Variants in GPR39 observed in about 807,000 individuals in gnomAD.
The protein encoded by GPR39 is G protein-coupled receptor 39.
Under a neutral mutation model 18.4 loss-of-function variants are expected in GPR39, and 23 were observed. That is an observed-to-expected ratio of 1.25 (90% CI 0.90 to 1.77). GPR39 has a LOEUF of 1.77. Among genes scored for constraint, GPR39 ranks in the 40% most tolerant of loss-of-function variants. The pLI, the probability that GPR39 is intolerant of heterozygous loss-of-function variation, is 0.00. For missense variants in GPR39, 647 were observed against 602.4 expected (o/e 1.07, Z -0.78); for synonymous variants, 280 against 257.9 (o/e 1.09, Z -0.82).
chr2:132,483,866 AG>A (rs1681281775), intron 1 of GPR39, among the ~76,000 whole-genome samples: 1 of 152,198 alleles, frequency 6.6e-6, no homozygotes, highest in Non-Finnish European at 1.5e-5. Context: ...CTTTAGATAG[AG>A]GATACTGCAA....
Position 132,570,366 on chromosome 2 carries a change from C to A in GPR39, c.857-74735C>A, listed in dbSNP as rs7559469. On this transcript the variant is annotated intron_variant, in intron 1 of 1. Transcript: ENST00000329321. Reference sequence around the variant, plus strand: ...CTCCACGTTCACATCCCCCTCCAGCCGCACTTCCTCACTTGCCTGTTTTAA... The same window carrying A: ...CTCCACGTTCACATCCCCCTCCAGCAGCACTTCCTCACTTGCCTGTTTTAA... 9.5e-4 allele frequency among the ~76,000 whole-genome samples: 144 copies of A among 152,108 alleles called. 1 individual carries two copies. The highest frequency in any genetic ancestry group is 3.3e-3 in the African/African-American group (139 of 41,534).
chr2:132,562,449 G>C (rs578135753), intron 1 of GPR39, among the ~76,000 whole-genome samples: 2 of 152,104 alleles, frequency 1.3e-5, no homozygotes, highest in Admixed American at 6.5e-5. Context: ...TCAGGACATC[G>C]TACTCAGGCT....
intron 1 of GPR39, among the ~76,000 whole-genome samples, chr2:132,431,263 G>A (rs1190396995): frequency 1.3e-5 from 2 of 152,116 alleles, no homozygotes; most frequent in Non-Finnish European, 2.9e-5. Flanking sequence ...TCTAGAATTG[G>A]GCATTTTCTA....
intron 1 of GPR39, among the ~76,000 whole-genome samples, chr2:132,620,099 G>A (rs145992167): frequency 6.6e-6 from 1 of 152,304 alleles, no homozygotes; most frequent in East Asian, 1.9e-4. Context: ...AGTCAGCTGG[G>A]GTCTCTCTGT....
intron 1 of GPR39, among the ~76,000 whole-genome samples, chr2:132,458,929 C>T (rs1005670227): frequency 1.3e-5 from 2 of 152,128 alleles, no homozygotes; most frequent in East Asian, 1.9e-4. Flanking sequence ...ATCTGTGTGT[C>T]TCCTTATTCA....
At chr2:132,459,770 C>T (rs1034641724) in intron 1 of GPR39, among the ~76,000 whole-genome samples, 1 of 152,174 alleles carries the variant, frequency 6.6e-6, no homozygotes, top group South Asian at 2.1e-4. Context: ...GCATAGACTG[C>T]TTCTGATAAA....
intron 1 of GPR39, among the ~76,000 whole-genome samples, chr2:132,598,747 C>T (rs1028306511): frequency 2.6e-5 from 4 of 152,106 alleles, no homozygotes; most frequent in African/African-American, 9.7e-5. Context: ...CTAAAATCCA[C>T]ACCAGCATCC....
intron 1 of GPR39, among the ~76,000 whole-genome samples, chr2:132,642,266 T>C (rs930411992): frequency 6.7e-4 from 102 of 152,338 alleles, no homozygotes; most frequent in African/African-American, 2.3e-3. Flanking sequence ...CTACCTACTT[T>C]TACACCCAGA....
At position 132,645,362 on chromosome 2, in the gene GPR39, G is replaced by A. The variant is rs1477306026; in HGVS notation, c.1118G>A (p.Arg373His). ...LSLQHANHEK[R>H]LRVHAHSTTD... Reference sequence around the variant, plus strand: ...CTGCAGCACGCCAACCACGAGAAGCGCCTGCGCGTACATGCGCACTCCACC... The same window carrying A: ...CTGCAGCACGCCAACCACGAGAAGCACCTGCGCGTACATGCGCACTCCACC... The change falls in exon 2 of 2, where the codon CGC becomes CAC. Residue 373 changes from arginine to histidine, a missense_variant. Around this residue, in one of 3 missense-constraint regions of GPR39, gnomAD observed 581 missense variants for 506.8 expected, o/e 1.15. Coordinates refer to ENST00000329321, the MANE Select transcript of GPR39 (RefSeq NM_001508.3). 3.1e-6 allele frequency: 5 copies of A among 1,613,956 alleles called. No homozygotes were observed. Among genetic ancestry groups the A allele is most frequent in the Admixed American group, 1.7e-5 (1 of 60,008 alleles).
At chr2:132,466,818 C>A (rs6753618) in intron 1 of GPR39, among the ~76,000 whole-genome samples, 45,201 of 151,890 alleles carry the variant, frequency 0.3, 8,068 homozygotes, top group East Asian at 0.78. Flanking sequence ...GCATCTGTGC[C>A]CAGAGAGCAC....
intron 1 of GPR39, among the ~76,000 whole-genome samples, chr2:132,550,533 G>A (rs1166559902): frequency 6.6e-6 from 1 of 152,200 alleles, no homozygotes; most frequent in Non-Finnish European, 1.5e-5. Context: ...GTCCTTTCAA[G>A]CTTATCCAAG....
At chr2:132,565,412 T>TC (rs1169065733) in intron 1 of GPR39, among the ~76,000 whole-genome samples, 1 of 135,486 alleles carries the variant, frequency 7.4e-6, no homozygotes, top group Non-Finnish European at 1.6e-5. Flanking sequence ...TTTTTTTTTT[T>TC]ATTATACTTT....
chr2:132,518,563 G>A lies in GPR39; in HGVS notation c.856+100665G>A, dbSNP rs1226761436. Among the ~76,000 whole-genome samples the A allele has an allele frequency of 2.6e-5, 4 of 152,152 alleles. No individual in the cohort carries two copies. In the East Asian group the frequency reaches 5.8e-4, roughly 22 times the overall value. On this transcript the variant is annotated intron_variant, in intron 1 of 1. Transcript: ENST00000329321. ...TCCCTGGTGCAACAACATTTAATGA[G>A]TTGTTAGAGGTCCACAGAGATGGGC...
chr2:132,507,334 A>G (rs1439651529), intron 1 of GPR39, among the ~76,000 whole-genome samples: 2 of 152,232 alleles, frequency 1.3e-5, no homozygotes, highest in East Asian at 3.9e-4. Flanking sequence ...AGATAGAAGA[A>G]GTCTTAAAAA....
chr2:132,627,522 C>T (rs879865522), intron 1 of GPR39, among the ~76,000 whole-genome samples: 1 of 152,080 alleles, frequency 6.6e-6, no homozygotes, highest in East Asian at 1.9e-4. Flanking sequence ...ATTTTAGATT[C>T]CAGTCATCTT....
At chr2:132,612,596 C>A (rs1681255629) in intron 1 of GPR39, among the ~76,000 whole-genome samples, 1 of 152,210 alleles carries the variant, frequency 6.6e-6, no homozygotes, top group Non-Finnish European at 1.5e-5. Flanking sequence ...TACTGAAAAG[C>A]CACTTCTTCA....
At chr2:132,642,507 C>G (rs1000649411) in intron 1 of GPR39, among the ~76,000 whole-genome samples, 8 of 152,198 alleles carry the variant, frequency 5.3e-5, no homozygotes, top group Admixed American at 5.2e-4. Flanking sequence ...CAGTGAAGGA[C>G]AGTTGACACC....
intron 1 of GPR39, among the ~76,000 whole-genome samples, chr2:132,511,515 G>T (rs1418020758): frequency 6.6e-6 from 1 of 152,158 alleles, no homozygotes; most frequent in African/African-American, 2.4e-5. Context: ...AAAGGCAGTT[G>T]GTAAGATCGT....
chr2:132,464,358 C>T (rs555161918), intron 1 of GPR39, among the ~76,000 whole-genome samples: 1 of 152,172 alleles, frequency 6.6e-6, no homozygotes, highest in East Asian at 1.9e-4. Context: ...CAGGATTGGC[C>T]TATGACGGGC....
Sources: allele counts gnomAD v4.1 joint callset (sites outside exome capture counted in the v4.1 genomes callset), GRCh38; gene constraint gnomAD v4.1.1; regional missense constraint gnomAD v4.1.1; transcripts MANE v1.5; gene names NCBI Gene and HGNC (gene_info 2026-07-23, HGNC 2026-07-21).